Variants in MAP2K6 observed in about 807,000 individuals in gnomAD.
MAP2K6 encodes mitogen-activated protein kinase kinase 6.
In MAP2K6, 16 loss-of-function variants were observed where a neutral mutation model predicts 53.7. The ratio of observed to expected loss-of-function variants is 0.30; its 90% CI spans 0.20 to 0.45. The LOEUF is 0.45. Ranked by LOEUF, MAP2K6 falls within the 20% of genes least tolerant of loss-of-function variation. The pLI is 1.00. For synonymous variants in MAP2K6, 132 were observed against 143.1 expected, an observed-to-expected ratio of 0.92 and a Z score of 0.55; for missense variants, 204 against 411.9, an observed-to-expected ratio of 0.50 and a Z score of 4.37.
At chr17:69,438,511 A>C (rs1906719153) in intron 1 of MAP2K6, among the ~76,000 whole-genome samples, 1 of 152,134 alleles carries the variant, frequency 6.6e-6, no homozygotes, top group Non-Finnish European at 1.5e-5. Flanking sequence ...GCTCATAATC[A>C]CTATATGGTA....
In MAP2K6 at chr17:69,519,441, C is replaced by T; in HGVS notation, c.366+9C>T. 1 of 1,613,986 alleles carries T rather than the reference C, an allele frequency of 6.2e-7. No homozygotes were observed. The highest frequency in any genetic ancestry group is 8.5e-7 in the Non-Finnish European group (1 of 1,179,920). On this transcript the variant is annotated intron_variant, in intron 5 of 11. Transcript: ENST00000590474. ...GCGCACTGTTTCGGGAGGTAGGTGA[C>T]CCTTCAATTCAAAGTCCAAGAGGAA...
chr17:69,440,079 G>C (rs1906768779), intron 1 of MAP2K6, among the ~76,000 whole-genome samples: 1 of 151,350 alleles, frequency 6.6e-6, no homozygotes, highest in Non-Finnish European at 1.5e-5. Context: ...ATGAAGTCTT[G>C]CTCTGTCACC....
chr17:69,522,484 A>G (rs1418625734), intron 7 of MAP2K6, among the ~76,000 whole-genome samples: 2 of 152,216 alleles, frequency 1.3e-5, no homozygotes, highest in Non-Finnish European at 2.9e-5. Flanking sequence ...AGCTTTTGTA[A>G]TAATCTTTTA....
At chr17:69,473,566 A>G (rs1228109138) in intron 1 of MAP2K6, among the ~76,000 whole-genome samples, 1 of 152,060 alleles carries the variant, frequency 6.6e-6, no homozygotes, top group Non-Finnish European at 1.5e-5. Context: ...TTTTGAACTC[A>G]GGAAATCTAT....
chr17:69,512,328 G>GCTTTTTT (rs1909867833), intron 2 of MAP2K6, among the ~76,000 whole-genome samples: 4 of 75,184 alleles, frequency 5.3e-5, no homozygotes, highest in South Asian at 5.2e-4. Flanking sequence ...CTTTCTAAGT[G>GCTTTTTT]TTTTTTTTTT....
chr17:69,458,388 G>A (rs1907497371), intron 1 of MAP2K6, among the ~76,000 whole-genome samples: 1 of 152,140 alleles, frequency 6.6e-6, no homozygotes, highest in Admixed American at 6.5e-5. Flanking sequence ...TCAAGGACCT[G>A]CCCTCTACCT....
chr17:69,520,698 A>G (rs1055385630), intron 6 of MAP2K6: 4 of 377,544 alleles, frequency 1.1e-5, no homozygotes, highest in African/African-American at 8.3e-5. Context: ...GATTTTTAAA[A>G]TGTTCTCTTG....
chr17:69,432,496 C>A (rs576237148), intron 1 of MAP2K6, among the ~76,000 whole-genome samples: 59 of 152,286 alleles, frequency 3.9e-4, no homozygotes, highest in African/African-American at 1.3e-3. Flanking sequence ...AGATCATGTC[C>A]TTTGCAGGGA....
chr17:69,461,236 T>G (rs1907614189), intron 1 of MAP2K6, among the ~76,000 whole-genome samples: 1 of 152,210 alleles, frequency 6.6e-6, no homozygotes, highest in African/African-American at 2.4e-5. Context: ...AAAACTCTCA[T>G]GACTTTCCTT....
rs142735053 is a variant in MAP2K6, at chr17:69,430,697, A to G, written c.16+15697A>G. On this transcript the variant is annotated intron_variant, in intron 1 of 11. Coordinates refer to ENST00000590474, the MANE Select transcript of MAP2K6 (RefSeq NM_002758.4). ...CTCTCTAAGTGGGACCAATGGAGTC[A>G]GAGGAAAACAGGAAGCAGTGAATCA... 3.2e-3 allele frequency among the ~76,000 whole-genome samples: 485 copies of G among 152,322 alleles called. 2 individuals carry two copies. The highest frequency in any genetic ancestry group is 0.011 in the African/African-American group (454 of 41,566).
At position 69,550,842 on chromosome 17, in the gene MAP2K6, A is replaced by T. The variant is rs1252660885; in HGVS notation, c.*9089A>T. ...AAACTTGGGAACGTTGGATTAAATGACCACTTTAGGACTTTAAACAGTCTC... is the reference window on the plus strand; with the variant it reads ...AAACTTGGGAACGTTGGATTAAATGTCCACTTTAGGACTTTAAACAGTCTC... On this transcript the variant is annotated 3_prime_UTR_variant, in exon 12 of 12. Coordinates refer to ENST00000590474, the MANE Select transcript of MAP2K6 (RefSeq NM_002758.4). The T allele has an allele frequency of 6.6e-6, 1 of 152,182 alleles. No individual in the cohort carries two copies. The highest frequency in any genetic ancestry group is 1.5e-5 in the Non-Finnish European group (1 of 68,034). The allele number at this position is 152,182 out of a possible 1,614,324, so 9.4% of individuals were successfully genotyped here. A position where few individuals can be genotyped will look rare whatever the true frequency, so the allele number is the denominator to read the frequency against.
In MAP2K6 at chr17:69,436,825, A is replaced by C. The variant is rs138915091; in HGVS notation, c.16+21825A>C. Among the ~76,000 whole-genome samples the C allele has an allele frequency of 5.3e-3, 768 of 145,682 alleles. 13 individuals are homozygous for C. Among genetic ancestry groups the C allele is most frequent in the African/African-American group, 0.018 (724 of 39,228 alleles). On this transcript the variant is annotated intron_variant, in intron 1 of 11. Transcript: ENST00000590474. ...TTCTTTTTTTCTTTTCTTTTCTTTT[A>C]TTTATTTATTTTTTTAGACACTGTC...
intron 1 of MAP2K6, among the ~76,000 whole-genome samples, chr17:69,449,503 T>TTCTTTTTTCTTTCTTTCTTTG (rs1567821587): frequency 0.034 from 4,542 of 135,488 alleles, 283 homozygotes; most frequent in South Asian, 0.06. Context: ...TCTTTCTTTT[T>TTCTTTTTTCTTTCTTTCTTTG]TCTTTCTTTC....
intron 4 of MAP2K6, 53 bp from the exon 5 acceptor site, chr17:69,519,260 C>A: frequency 6.3e-7 from 1 of 1,576,798 alleles, no homozygotes; most frequent in Non-Finnish European, 8.6e-7. Flanking sequence ...CAGGTCCCTG[C>A]CTGCCTCATC....
chr17:69,476,232 C>A (rs1347601233), intron 1 of MAP2K6, among the ~76,000 whole-genome samples: 1 of 151,916 alleles, frequency 6.6e-6, no homozygotes, highest in East Asian at 1.9e-4. Flanking sequence ...CTTAAAAGGA[C>A]CAAGAAGAAA....
At chr17:69,477,902 G>A (rs1339718040) in intron 1 of MAP2K6, among the ~76,000 whole-genome samples, 1 of 152,138 alleles carries the variant, frequency 6.6e-6, no homozygotes, top group African/African-American at 2.4e-5. Context: ...AGTGGATGAG[G>A]GACGGGTTCA....
In MAP2K6 at chr17:69,525,002, A is replaced by T. The variant is rs372377523; in HGVS notation, c.741+24A>T. 5 of 1,589,066 alleles carry T rather than the reference A, an allele frequency of 3.1e-6. No individual in the cohort carries two copies. In the African/African-American group the frequency reaches 5.4e-5, roughly 17 times the overall value. On this transcript the variant is annotated intron_variant, in intron 9 of 11. Coordinates refer to ENST00000590474, the MANE Select transcript of MAP2K6 (RefSeq NM_002758.4). ...TGGTAGTGTATGCCAATCATCATGA[A>T]CTATGAGGTTGTGGGTAATGAAACT... is the stretch of plus-strand genomic sequence containing the variant.
chr17:69,467,428 C>CCA (rs1907850112), intron 1 of MAP2K6, among the ~76,000 whole-genome samples: 1 of 152,168 alleles, frequency 6.6e-6, no homozygotes, highest in Admixed American at 6.5e-5. Flanking sequence ...GCCAGGAAGG[C>CCA]TTGAGATAAT....
intron 1 of MAP2K6, among the ~76,000 whole-genome samples, chr17:69,468,733 T>C (rs143604142): frequency 6.6e-6 from 1 of 152,290 alleles, no homozygotes; most frequent in East Asian, 1.9e-4. Context: ...GTTGGGCCAG[T>C]AAAGCCCCTT....
Sources: gnomAD v4.1 joint callset for allele counts (sites outside exome capture counted in the v4.1 genomes callset) on GRCh38, gnomAD v4.1.1 for gene constraint, MANE v1.5 for transcripts, NCBI Gene and HGNC (gene_info 2026-07-23, HGNC 2026-07-21) for gene names.